UST: variants seen among roughly 807,000 people sequenced by gnomAD.
UST encodes the protein chondroitin sulfate 2-O-sulfotransferase.
UST carries 21 observed loss-of-function variants against 45.6 expected under a neutral mutation model. The ratio of observed to expected loss-of-function variants is 0.46; its 90% CI spans 0.33 to 0.66. UST has a LOEUF of 0.66. Among genes scored for constraint, UST ranks in the 30% least tolerant of loss-of-function variants. The probability of loss-of-function intolerance (pLI) is 0.02; values close to 1 mark genes in which losing one functional copy is unlikely to be tolerated. For synonymous variants in UST, 215 were observed against 200.6 expected, an observed-to-expected ratio of 1.07 and a Z score of -0.61; for missense variants, 463 against 512.4, an observed-to-expected ratio of 0.90 and a Z score of 0.93.
chr6:148,773,022 C>T (rs147304578), intron 1 of UST, among the ~76,000 whole-genome samples: 3 of 151,950 alleles, frequency 2.0e-5, no homozygotes, highest in East Asian at 3.9e-4. Context: ...TTGGTGGGTA[C>T]GTGATCTCAC....
At chr6:149,073,631 C>T (rs1776848302) in intron 7 of UST, among the ~76,000 whole-genome samples, 1 of 152,238 alleles carries the variant, frequency 6.6e-6, no homozygotes, top group South Asian at 2.1e-4. Context: ...GCTTGTGCTT[C>T]GTCAACTCAT....
chr6:148,897,531 A>C (rs1305021235), intron 2 of UST, among the ~76,000 whole-genome samples: 1 of 150,434 alleles, frequency 6.6e-6, no homozygotes, highest in Non-Finnish European at 1.5e-5. Context: ...TTGCCCTGTC[A>C]CACAGGCTGG....
chr6:148,994,354 A>G (rs1781409937), intron 5 of UST, among the ~76,000 whole-genome samples: 1 of 152,212 alleles, frequency 6.6e-6, no homozygotes, highest in South Asian at 2.1e-4. Flanking sequence ...AATGGTTATA[A>G]ATTAATGAAA....
intron 2 of UST, among the ~76,000 whole-genome samples, chr6:148,921,700 G>C (rs143009655): frequency 5.9e-5 from 9 of 152,318 alleles, no homozygotes; most frequent in African/African-American, 2.2e-4. Context: ...CTCTGAGCAG[G>C]ATGGACCTGG....
At chr6:149,007,577 C>T (rs1421608051) in intron 5 of UST, among the ~76,000 whole-genome samples, 13 of 151,310 alleles carry the variant, frequency 8.6e-5, no homozygotes, top group African/African-American at 2.2e-4. Context: ...CGTGAGCCAC[C>T]GCGCCTGGCC....
intron 7 of UST, among the ~76,000 whole-genome samples, chr6:149,054,982 A>T (rs1300914324): frequency 6.6e-6 from 1 of 152,196 alleles, no homozygotes; most frequent in Non-Finnish European, 1.5e-5. Context: ...ATCGCATGAG[A>T]ACCCACAGCT....
At chr6:148,878,280 G>T (rs66944380) in intron 1 of UST, among the ~76,000 whole-genome samples, 2,384 of 78,226 alleles carry the variant, frequency 0.03, 109 homozygotes, top group African/African-American at 0.074. Context: ...GTATGAGTAC[G>T]GGGGATCATG....
intron 5 of UST, among the ~76,000 whole-genome samples, chr6:149,012,613 C>G (rs1014396883): frequency 3.3e-5 from 5 of 152,124 alleles, no homozygotes; most frequent in African/African-American, 1.2e-4. Context: ...TTTATATCAT[C>G]GTGTTACATT....
At chr6:148,967,654 C>G (rs1780828646) in intron 5 of UST, among the ~76,000 whole-genome samples, 2 of 152,180 alleles carry the variant, frequency 1.3e-5, no homozygotes, top group Non-Finnish European at 1.5e-5. Flanking sequence ...AGCCCACTGT[C>G]CCCTCCTTGC....
At chr6:148,838,713 A>G (rs904941718) in intron 1 of UST, among the ~76,000 whole-genome samples, 3 of 152,092 alleles carry the variant, frequency 2.0e-5, no homozygotes, top group Non-Finnish European at 4.4e-5. Flanking sequence ...TGGGCAACAT[A>G]ATAAGATCCC....
intron 1 of UST, among the ~76,000 whole-genome samples, chr6:148,763,749 G>A (rs561695313): frequency 2.0e-5 from 3 of 152,224 alleles, no homozygotes; most frequent in African/African-American, 7.2e-5. Context: ...TTATTGAATA[G>A]GGTATCCTTT....
chr6:148,931,008 G>A (rs944349817), intron 2 of UST, among the ~76,000 whole-genome samples: 2 of 152,204 alleles, frequency 1.3e-5, no homozygotes, highest in African/African-American at 4.8e-5. Flanking sequence ...TGAGAGAGGA[G>A]TCTTGGCAGC....
chr6:149,025,557 G>A lies in UST; in HGVS notation c.937+4076G>A, dbSNP rs541502511. The stretch of plus-strand genomic sequence containing the variant: ...CAATCCTGACCATGAGTTTGAATTA[G>A]GGAGCACCAAGGCCCCAGCAGGTTT... On this transcript the variant is annotated intron_variant, in intron 7 of 7. Coordinates refer to ENST00000367463, the MANE Select transcript of UST (RefSeq NM_005715.3). Among the ~76,000 whole-genome samples, 31 of 152,288 alleles carry A rather than the reference G, an allele frequency of 2.0e-4. No individual in the cohort carries two copies. The South Asian group carries it at 5.2e-3, about 25-fold the overall frequency.
chr6:148,845,216 G>C (rs781348043), intron 1 of UST, among the ~76,000 whole-genome samples: 4 of 152,140 alleles, frequency 2.6e-5, no homozygotes, highest in Non-Finnish European at 5.9e-5. Flanking sequence ...CTCCAAACTT[G>C]TTCCACAGTT....
intron 1 of UST, among the ~76,000 whole-genome samples, chr6:148,855,006 G>A (rs1778175718): frequency 6.6e-6 from 1 of 152,154 alleles, no homozygotes; most frequent in South Asian, 2.1e-4. Flanking sequence ...GGAAGGCAAG[G>A]AGGATCAAGT....
At position 149,021,369 on chromosome 6, in the gene UST, T is replaced by A; in HGVS notation, c.825T>A (p.Asn275Lys). 1.2e-6 allele frequency: 2 copies of A among 1,614,166 alleles called. No homozygotes were observed. The highest frequency in any genetic ancestry group is 1.7e-6 in the Non-Finnish European group (2 of 1,180,016). The change falls in exon 7 of 8, where the codon AAT becomes AAA. Residue 275 changes from asparagine (N) to lysine (K), a missense_variant. Transcript: ENST00000367463. The part of the protein sequence containing the change: ...WALERAKLNV[N>K]ENFLLVGILE... The stretch of plus-strand genomic sequence containing the variant: ...TTGAGAGAGCAAAGCTGAACGTGAA[T>A]GAAAACTTCCTGCTCGTGGGGATTC...
At chr6:148,896,109 G>A (rs767734641) in intron 2 of UST, among the ~76,000 whole-genome samples, 9 of 152,232 alleles carry the variant, frequency 5.9e-5, no homozygotes, top group Non-Finnish European at 1.2e-4. Context: ...GCTTGGTTAA[G>A]CATTGGTGAC....
chr6:148,840,191 C>G (rs1339152879), intron 1 of UST, among the ~76,000 whole-genome samples: 2 of 152,170 alleles, frequency 1.3e-5, no homozygotes, highest in Non-Finnish European at 2.9e-5. Context: ...CAGGCAACCT[C>G]TAGGATCCTG....
chr6:148,819,244 G>A (rs905407117), intron 1 of UST, among the ~76,000 whole-genome samples: 1 of 152,072 alleles, frequency 6.6e-6, no homozygotes, highest in Non-Finnish European at 1.5e-5. Context: ...GAAATGCAAA[G>A]CAAGTATGGT....
Sources: gnomAD v4.1 joint callset for allele counts (sites outside exome capture counted in the v4.1 genomes callset) on GRCh38, gnomAD v4.1.1 for gene constraint, MANE v1.5 for transcripts, NCBI Gene and HGNC (gene_info 2026-07-23, HGNC 2026-07-21) for gene names.